IKZF2: variants seen among roughly 807,000 people sequenced by gnomAD.
The protein encoded by IKZF2 is zinc finger protein Helios.
IKZF2 carries 15 observed loss-of-function variants against 49.2 expected under a neutral mutation model. The ratio of observed to expected loss-of-function variants is 0.30; its 90% CI spans 0.20 to 0.47. The LOEUF is 0.47. Ranked by LOEUF, IKZF2 falls within the 20% of genes least tolerant of loss-of-function variation. IKZF2 has a pLI of 1.00. For missense variants in IKZF2, 567 were observed against 664.6 expected (o/e 0.85, Z 1.61); for synonymous variants, 227 against 221.4 (o/e 1.03, Z -0.23).
chr2:213,037,935 T>A (rs1292502676), intron 6 of IKZF2, among the ~76,000 whole-genome samples: 2 of 151,710 alleles, frequency 1.3e-5, no homozygotes, highest in Admixed American at 1.3e-4. Context: ...CTACATTTAA[T>A]GCACCATCAC....
At chr2:213,106,730 A>G (rs2059545253) in intron 4 of IKZF2, among the ~76,000 whole-genome samples, 1 of 152,074 alleles carries the variant, frequency 6.6e-6, no homozygotes, top group Admixed American at 6.6e-5. Flanking sequence ...AATATCTAAA[A>G]GTTTCTTGCC....
chr2:213,051,074 A>G (rs1700634503), intron 5 of IKZF2, among the ~76,000 whole-genome samples: 1 of 152,074 alleles, frequency 6.6e-6, no homozygotes, highest in Admixed American at 6.6e-5. Context: ...CATGTTTCAT[A>G]TATCTTTAAC....
chr2:213,031,549 G>C (rs976944272), intron 6 of IKZF2, among the ~76,000 whole-genome samples: 4 of 152,178 alleles, frequency 2.6e-5, no homozygotes, highest in African/African-American at 9.7e-5. Flanking sequence ...ATTTTTATAA[G>C]AGTCTAAGTT....
intron 4 of IKZF2, among the ~76,000 whole-genome samples, chr2:213,084,376 C>T (rs189426061): frequency 7.2e-5 from 11 of 152,272 alleles, no homozygotes; most frequent in Admixed American, 1.3e-4. Context: ...AATAATAGTT[C>T]TGTTCCTCAC....
chr2:213,036,535 G>A (rs886779342), intron 6 of IKZF2, among the ~76,000 whole-genome samples: 1 of 152,022 alleles, frequency 6.6e-6, no homozygotes, highest in Non-Finnish European at 1.5e-5. Context: ...AAAATAATCT[G>A]TCCATTAATT....
chr2:213,040,059 G>A (rs1007403020), intron 6 of IKZF2, among the ~76,000 whole-genome samples: 44 of 152,004 alleles, frequency 2.9e-4, no homozygotes, highest in African/African-American at 9.4e-4. Context: ...GGATGATTCC[G>A]TTTTTGAGCA....
intron 4 of IKZF2, among the ~76,000 whole-genome samples, chr2:213,081,520 G>A (rs1349103080): frequency 6.6e-6 from 1 of 152,170 alleles, no homozygotes; most frequent in African/African-American, 2.4e-5. Context: ...TCAGGTATAA[G>A]GAGAAGATAT....
intron 4 of IKZF2, among the ~76,000 whole-genome samples, chr2:213,090,880 T>C (rs1341882554): frequency 2.0e-5 from 3 of 152,178 alleles, no homozygotes; most frequent in Non-Finnish European, 2.9e-5. Context: ...AATCTCAGAC[T>C]TCCAGCCTCC....
intron 6 of IKZF2, among the ~76,000 whole-genome samples, chr2:213,042,508 T>G (rs532204489): frequency 6.6e-6 from 1 of 152,306 alleles, no homozygotes; most frequent in African/African-American, 2.4e-5. Flanking sequence ...CAAAACCTAT[T>G]TATGCCAGTT....
At chr2:213,151,974 T>C (rs2061296207), upstream of IKZF2, among the ~76,000 whole-genome samples, 1 of 151,554 alleles carries the variant, frequency 6.6e-6, no homozygotes. Flanking sequence ...ACGCGCGCAC[T>C]CCCTCGCGCC....
At chr2:213,065,702 A>G (rs1239140507) in intron 4 of IKZF2, among the ~76,000 whole-genome samples, 2 of 152,104 alleles carry the variant, frequency 1.3e-5, no homozygotes, top group Admixed American at 6.6e-5. Flanking sequence ...GCTTAAAATC[A>G]GTGAAGTAAC....
chr2:213,021,221 T>A (rs1697172545), intron 7 of IKZF2, among the ~76,000 whole-genome samples: 1 of 151,224 alleles, frequency 6.6e-6, no homozygotes, highest in Admixed American at 6.6e-5. Context: ...TCAAAAAAAA[T>A]AAAATAAAAT....
intron 4 of IKZF2, among the ~76,000 whole-genome samples, chr2:213,062,295 G>C (rs941930567): frequency 6.6e-6 from 1 of 151,436 alleles, no homozygotes. Flanking sequence ...AATATGACCT[G>C]ATTCTACTAA....
chr2:213,031,402 T>C (rs1254840884), intron 6 of IKZF2, among the ~76,000 whole-genome samples: 2 of 152,204 alleles, frequency 1.3e-5, no homozygotes, highest in African/African-American at 4.8e-5. Flanking sequence ...AAAAATTGTA[T>C]ATAAAAAAGT....
At position 213,027,666 on chromosome 2, in the gene IKZF2, G is replaced by A. The variant is rs539626139; in HGVS notation, c.575-5536C>T. Among the ~76,000 whole-genome samples the A allele has an allele frequency of 3.0e-4, 46 of 152,040 alleles. 1 individual carries two copies. In the East Asian group the frequency reaches 4.1e-3, roughly 13 times the overall value. On this transcript the variant is annotated intron_variant, in intron 6 of 8. Transcript: ENST00000434687. Reference sequence around the variant, plus strand: ...GCCTGAATCCCATGTTTTCCTCTTCGTTGGGTTTAGAATTTCCAGGTTGAA... The same window carrying A: ...GCCTGAATCCCATGTTTTCCTCTTCATTGGGTTTAGAATTTCCAGGTTGAA...
chr2:213,022,191 A>C (rs1282154063), intron 6 of IKZF2, 61 bp from the exon 7 acceptor site: 2 of 1,441,778 alleles, frequency 1.4e-6, no homozygotes, highest in Admixed American at 2.5e-5. Context: ...AGCAAAATCA[A>C]TAGCTAACTT....
chr2:213,088,044 T>C (rs1050946837), intron 4 of IKZF2, among the ~76,000 whole-genome samples: 1 of 152,230 alleles, frequency 6.6e-6, no homozygotes, highest in Non-Finnish European at 1.5e-5. Flanking sequence ...CTGGGTCAAA[T>C]GATATTTCTA....
intron 4 of IKZF2, among the ~76,000 whole-genome samples, chr2:213,093,957 G>A (rs376162827): frequency 1.2e-4 from 18 of 152,170 alleles, no homozygotes; most frequent in Non-Finnish European, 1.9e-4. Flanking sequence ...AAGTTTCAAG[G>A]AGGAATTACT....
intron 4 of IKZF2, among the ~76,000 whole-genome samples, chr2:213,065,607 G>A (rs747095553): frequency 7.2e-5 from 11 of 151,938 alleles, no homozygotes; most frequent in Non-Finnish European, 1.5e-4. Context: ...ATTTAGGTGC[G>A]TTATATATAT....
Sources: gnomAD v4.1 joint callset for allele counts (sites outside exome capture counted in the v4.1 genomes callset) on GRCh38, gnomAD v4.1.1 for gene constraint, MANE v1.5 for transcripts, NCBI Gene and HGNC (gene_info 2026-07-23, HGNC 2026-07-21) for gene names.